Variants in SEMA6D observed in about 807,000 individuals in gnomAD.
The protein encoded by SEMA6D is semaphorin-6D.
Under a neutral mutation model 106.6 loss-of-function variants are expected in SEMA6D, and 35 were observed. That is an observed-to-expected ratio of 0.33 (90% CI 0.25 to 0.44). The LOEUF (loss-of-function observed/expected upper bound fraction) is 0.44, where lower values mean the gene tolerates loss of function less well. Among genes scored for constraint, SEMA6D ranks in the 20% least tolerant of loss-of-function variants. SEMA6D has a pLI of 1.00. For missense variants in SEMA6D, 1,185 were observed against 1,345.9 expected, an observed-to-expected ratio of 0.88 and a Z score of 1.87; for synonymous variants, 499 against 487.7, an observed-to-expected ratio of 1.02 and a Z score of -0.31.
At chr15:47,364,530 G>A (rs145997000) in intron 1 of SEMA6D, among the ~76,000 whole-genome samples, 34 of 152,272 alleles carry the variant, frequency 2.2e-4, no homozygotes, top group African/African-American at 6.5e-4. Context: ...ATAGCTGTGC[G>A]CTGCACATGT....
rs2042166595 is a variant in SEMA6D at position 47,450,767 on chromosome 15, A to G, written c.-158-19707A>G. Among the ~76,000 whole-genome samples the G allele has an allele frequency of 2.6e-5, 4 of 152,232 alleles. No individual in the cohort carries two copies. The South Asian group carries it at 8.3e-4, about 32-fold the overall frequency. Reference sequence around the variant, plus strand: ...ACAATCTGGTCCCTTCTCATTTGAAATATGAGCATACTGGGGATACCTAGA... The same window carrying G: ...ACAATCTGGTCCCTTCTCATTTGAAGTATGAGCATACTGGGGATACCTAGA... On this transcript the variant is annotated intron_variant, in intron 2 of 19. Transcript: ENST00000558014.
intron 2 of SEMA6D, among the ~76,000 whole-genome samples, chr15:47,436,792 GA>G (rs1223768385): frequency 2.7e-5 from 4 of 148,116 alleles, no homozygotes; most frequent in Non-Finnish European, 6.0e-5. Flanking sequence ...TATATAGCTG[GA>G]AGTGGTGGTG....
intron 1 of SEMA6D, among the ~76,000 whole-genome samples, chr15:47,376,143 A>C (rs1223763395): frequency 6.6e-6 from 1 of 152,214 alleles, no homozygotes; most frequent in Admixed American, 6.5e-5. Flanking sequence ...ACACCTGATC[A>C]GTTATTTCCA....
At chr15:47,298,542 C>T (rs532248726) in intron 1 of SEMA6D, among the ~76,000 whole-genome samples, 27 of 152,076 alleles carry the variant, frequency 1.8e-4, no homozygotes, top group Non-Finnish European at 3.2e-4. Context: ...GAACATTCAC[C>T]CCAAGCCTTT....
At chr15:47,334,371 G>A (rs1266604631) in intron 1 of SEMA6D, among the ~76,000 whole-genome samples, 1 of 152,172 alleles carries the variant, frequency 6.6e-6, no homozygotes, top group Non-Finnish European at 1.5e-5. Context: ...TTTAAAGCCT[G>A]TCAGTCAGAA....
intron 3 of SEMA6D, among the ~76,000 whole-genome samples, chr15:47,545,207 A>G (rs557428397): frequency 5.3e-5 from 8 of 152,150 alleles, no homozygotes; most frequent in Non-Finnish European, 7.4e-5. Flanking sequence ...GTGAACATCA[A>G]TCTGCTTTGA....
At chr15:47,758,618 T>G (rs1186983356) in intron 1 of SEMA6D, among the ~76,000 whole-genome samples, 1 of 152,200 alleles carries the variant, frequency 6.6e-6, no homozygotes, top group Non-Finnish European at 1.5e-5. Flanking sequence ...ATAGCTTTAT[T>G]GAGGTATTGA....
intron 1 of SEMA6D, among the ~76,000 whole-genome samples, chr15:47,717,997 G>T (rs144118219): frequency 6.6e-6 from 1 of 152,182 alleles, no homozygotes; most frequent in African/African-American, 2.4e-5. Flanking sequence ...TGGCGGCTTA[G>T]GGGGAGGGGC....
chr15:47,670,299 G>T lies in SEMA6D; in HGVS notation c.-55+69403G>T, dbSNP rs187080177. Among the ~76,000 whole-genome samples, 4 of 152,278 alleles carry T rather than the reference G, an allele frequency of 2.6e-5. No individual in the cohort carries two copies. In the East Asian group the frequency reaches 7.7e-4, roughly 29 times the overall value. On this transcript the variant is annotated intron_variant, in intron 4 of 19. Coordinates refer to the SEMA6D transcript ENST00000558014. ...GAATAGTAATGTGTTCTTCATGACT[G>T]TCTTACACACACAGATGCTAACTTC...
intron 1 of SEMA6D, chr15:47,731,027 A>T: frequency 6.8e-6 from 4 of 592,030 alleles, no homozygotes; most frequent in Non-Finnish European, 9.0e-6. Flanking sequence ...ATATTAATCT[A>T]CTTCATGAAT....
chr15:47,739,263 A>G (rs1171848737), intron 1 of SEMA6D, among the ~76,000 whole-genome samples: 1 of 152,256 alleles, frequency 6.6e-6, no homozygotes, highest in Non-Finnish European at 1.5e-5. Flanking sequence ...AAAACTAGAT[A>G]GTTGGAGCAC....
chr15:47,587,430 C>T (rs12900158), intron 3 of SEMA6D, among the ~76,000 whole-genome samples: 1,949 of 152,296 alleles, frequency 0.013, 25 homozygotes, highest in Non-Finnish European at 0.021. Context: ...ATAAAGAAGC[C>T]CTAAATCTAT....
At chr15:47,284,721 T>G (rs2035282379) in intron 1 of SEMA6D, among the ~76,000 whole-genome samples, 1 of 152,168 alleles carries the variant, frequency 6.6e-6, no homozygotes, top group Non-Finnish European at 1.5e-5. Context: ...TTAACTCAAT[T>G]TCTTATATTT....
chr15:47,261,428 G>T (rs908135339), intron 1 of SEMA6D, among the ~76,000 whole-genome samples: 9 of 151,994 alleles, frequency 5.9e-5, no homozygotes, highest in Admixed American at 2.6e-4. Context: ...CTTTTCTTTA[G>T]AAACTATAAT....
At chr15:47,246,201 A>G (rs2033188455) in intron 1 of SEMA6D, among the ~76,000 whole-genome samples, 1 of 152,180 alleles carries the variant, frequency 6.6e-6, no homozygotes, top group African/African-American at 2.4e-5. Context: ...CATTAAGTGG[A>G]TAATCAAGGG....
At chr15:47,296,953 T>C (rs1323248058) in intron 1 of SEMA6D, among the ~76,000 whole-genome samples, 4 of 152,160 alleles carry the variant, frequency 2.6e-5, no homozygotes, top group Admixed American at 2.6e-4. Context: ...GAAAATAAAA[T>C]GGCTGTAATT....
chr15:47,702,271 T>C (rs1312068186), intron 4 of SEMA6D, among the ~76,000 whole-genome samples: 2 of 152,148 alleles, frequency 1.3e-5, no homozygotes, highest in Non-Finnish European at 2.9e-5. Context: ...TATGAAAAGA[T>C]GCTCTACATC....
At position 47,768,564 on chromosome 15, in the gene SEMA6D, T is replaced by C. The variant is rs1380531189; in HGVS notation, c.1766-17T>C. The C allele has an allele frequency of 6.3e-7, 1 of 1,581,868 alleles. No individual in the cohort carries two copies. Among genetic ancestry groups the C allele is most frequent in the African/African-American group, 1.4e-5 (1 of 73,940 alleles). ...TTGACACTATCCATATTAATAAAAA[T>C]CTGTTTGCCACCACAGACATGGAGG... On this transcript the variant is annotated splice_polypyrimidine_tract_variant and intron_variant, in intron 17 of 18. Coordinates refer to ENST00000536845, the MANE Select transcript of SEMA6D (RefSeq NM_001358351.3).
intron 1 of SEMA6D, among the ~76,000 whole-genome samples, chr15:47,383,914 C>A (rs374972817): frequency 6.6e-6 from 1 of 152,138 alleles, no homozygotes; most frequent in Non-Finnish European, 1.5e-5. Context: ...ATCTCATGAC[C>A]CAAATTCAAG....
Sources: allele counts gnomAD v4.1 joint callset (sites outside exome capture counted in the v4.1 genomes callset), GRCh38; gene constraint gnomAD v4.1.1; transcripts MANE v1.5; gene names NCBI Gene and HGNC (gene_info 2026-07-23, HGNC 2026-07-21).